The following KCTD16 variants were observed in gnomAD, a reference collection of about 807,000 sequenced individuals.
KCTD16 encodes the protein BTB/POZ domain-containing protein KCTD16.
A neutral mutation model predicts 33.2 loss-of-function variants in KCTD16; 13 were observed. That is an observed-to-expected ratio of 0.39 (90% CI 0.25 to 0.62). The LOEUF is 0.62. Among genes scored for constraint, KCTD16 ranks in the 20% least tolerant of loss-of-function variants. KCTD16 has a pLI of 0.50. For missense variants in KCTD16, 441 were observed against 525.1 expected, an observed-to-expected ratio of 0.84 and a Z score of 1.57; for synonymous variants, 197 against 195.3, an observed-to-expected ratio of 1.01 and a Z score of -0.07.
intron 3 of KCTD16, among the ~76,000 whole-genome samples, chr5:144,345,216 A>C (rs1412761991): frequency 1.8e-5 from 1 of 54,628 alleles, no homozygotes. Flanking sequence ...GGGGTGGGGG[A>C]GGGGGGAGGG....
chr5:144,257,703 G>A (rs1295078527), intron 3 of KCTD16, among the ~76,000 whole-genome samples: 1 of 152,098 alleles, frequency 6.6e-6, no homozygotes, highest in African/African-American at 2.4e-5. Context: ...AAGCCAGGAT[G>A]GTCTCGATCT....
intron 3 of KCTD16, among the ~76,000 whole-genome samples, chr5:144,398,265 CA>C (rs1167641921): frequency 6.6e-6 from 1 of 152,128 alleles, no homozygotes; most frequent in African/African-American, 2.4e-5. Flanking sequence ...GTAACATGTT[CA>C]CTACTATTTT....
At chr5:144,362,741 A>G (rs1751741839) in intron 3 of KCTD16, among the ~76,000 whole-genome samples, 1 of 152,182 alleles carries the variant, frequency 6.6e-6, no homozygotes. Context: ...TAATTGAAAG[A>G]GCATAGGCAG....
rs376938292 is a variant in KCTD16, at chr5:144,440,155, C to T, written c.833-33505C>T. Among the ~76,000 whole-genome samples, 72 of 152,202 alleles carry T rather than the reference C, an allele frequency of 4.7e-4. No individual in the cohort carries two copies. The South Asian group carries it at 8.7e-3, about 18-fold the overall frequency. ...AACACAACCCCTTTGTCCACCACACCGACTTTTATACTAAACATTTCCTTG... is the reference window on the plus strand; with the variant it reads ...AACACAACCCCTTTGTCCACCACACTGACTTTTATACTAAACATTTCCTTG... On this transcript the variant is annotated intron_variant, in intron 3 of 3. Coordinates refer to ENST00000512467, the MANE Select transcript of KCTD16 (RefSeq NM_020768.4).
chr5:144,469,197 G>T (rs1430701969), intron 3 of KCTD16, among the ~76,000 whole-genome samples: 1 of 151,916 alleles, frequency 6.6e-6, no homozygotes, highest in East Asian at 1.9e-4. Flanking sequence ...TATCCTGAAG[G>T]GCTTATCCAT....
chr5:144,413,650 G>A (rs1307507230), intron 3 of KCTD16, among the ~76,000 whole-genome samples: 4 of 152,088 alleles, frequency 2.6e-5, no homozygotes, highest in Admixed American at 6.6e-5. Context: ...AAACAAAAAC[G>A]ATTCGTTAGT....
At chr5:144,181,637 T>C (rs1030935520) in intron 2 of KCTD16, among the ~76,000 whole-genome samples, 2 of 152,204 alleles carry the variant, frequency 1.3e-5, no homozygotes, top group African/African-American at 2.4e-5. Context: ...TTGTGCAACA[T>C]GGATGAAACT....
rs377447372 is a variant in KCTD16, at chr5:144,206,852, C to T, written c.138C>T (p.Ile46=). 136 of 1,614,140 alleles carry T rather than the reference C, an allele frequency of 8.4e-5. No homozygotes were observed. The highest frequency in any genetic ancestry group is 1.0e-4 in the Non-Finnish European group (123 of 1,180,020). The part of the protein sequence containing the change: ...YFTRHSTLIS[I]PHSLLWKMFS... ...CTCGCCATTCCACATTGATAAGCAT[C>T]CCTCATTCCCTCCTGTGGAAAATGT... The change falls in exon 3 of 4, where the codon ATC becomes ATT. Residue 46 remains isoleucine, a synonymous_variant. Transcript: ENST00000512467.
At position 144,185,816 on chromosome 5, in the gene KCTD16, G is replaced by A. The variant is rs557015068; in HGVS notation, c.-327+11344G>A. ...AGTAATAAAAAGATAATAACAATAG[G>A]TAACATCAATTTAGTACTTACTATA... On this transcript the variant is annotated intron_variant, in intron 2 of 3. Coordinates refer to ENST00000512467, the MANE Select transcript of KCTD16 (RefSeq NM_020768.4). 3.3e-5 allele frequency among the ~76,000 whole-genome samples: 5 copies of A among 152,030 alleles called. No homozygotes were observed. In the East Asian group the frequency reaches 9.7e-4, roughly 29 times the overall value.
intron 3 of KCTD16, among the ~76,000 whole-genome samples, chr5:144,360,502 G>T (rs892514456): frequency 6.6e-6 from 1 of 151,702 alleles, no homozygotes; most frequent in East Asian, 1.9e-4. Context: ...GGTGATCTCA[G>T]CTCACTGCAA....
intron 3 of KCTD16, among the ~76,000 whole-genome samples, chr5:144,264,050 G>C (rs1343904412): frequency 6.6e-6 from 1 of 152,178 alleles, no homozygotes; most frequent in Non-Finnish European, 1.5e-5. Flanking sequence ...CACACTGGGG[G>C]TTAAAGCTTC....
chr5:144,336,813 A>G (rs570510363), intron 3 of KCTD16, among the ~76,000 whole-genome samples: 2 of 152,040 alleles, frequency 1.3e-5, no homozygotes, highest in African/African-American at 2.4e-5. Flanking sequence ...TGATACACAC[A>G]TCATACCCAC....
At chr5:144,316,372 G>A (rs1369745065) in intron 3 of KCTD16, among the ~76,000 whole-genome samples, 2 of 152,098 alleles carry the variant, frequency 1.3e-5, no homozygotes, top group Admixed American at 1.3e-4. Flanking sequence ...ATGTGAAGAG[G>A]CATCCATGCA....
chr5:144,181,648 G>A (rs998313856), intron 2 of KCTD16, among the ~76,000 whole-genome samples: 3 of 152,214 alleles, frequency 2.0e-5, no homozygotes, highest in Admixed American at 6.5e-5. Flanking sequence ...GGATGAAACT[G>A]GAGGACACTA....
At chr5:144,210,298 T>G (rs1753342553) in intron 3 of KCTD16, among the ~76,000 whole-genome samples, 1 of 152,132 alleles carries the variant, frequency 6.6e-6, no homozygotes, top group African/African-American at 2.4e-5. Flanking sequence ...GGTATTTGTA[T>G]GTGCTTAAGA....
intron 3 of KCTD16, among the ~76,000 whole-genome samples, chr5:144,373,742 G>T (rs1017237783): frequency 6.6e-6 from 1 of 152,146 alleles, no homozygotes; most frequent in Non-Finnish European, 1.5e-5. Context: ...GAAGTTACTG[G>T]CATAGGCATT....
chr5:144,311,374 C>T (rs1474734804), intron 3 of KCTD16, among the ~76,000 whole-genome samples: 1 of 152,184 alleles, frequency 6.6e-6, no homozygotes, highest in Non-Finnish European at 1.5e-5. Flanking sequence ...ACCTGGCATA[C>T]AGCAGCACTC....
At chr5:144,280,843 C>T (rs1019462297) in intron 3 of KCTD16, among the ~76,000 whole-genome samples, 1 of 151,186 alleles carries the variant, frequency 6.6e-6, no homozygotes, top group African/African-American at 2.4e-5. Flanking sequence ...AGGAGAATGG[C>T]GTGAACCCGG....
At chr5:144,299,996 G>C (rs1054508531) in intron 3 of KCTD16, among the ~76,000 whole-genome samples, 8 of 151,304 alleles carry the variant, frequency 5.3e-5, no homozygotes, top group Admixed American at 4.0e-4. Flanking sequence ...ATTTATAGCT[G>C]TCTATCTTAG....
Sources: allele counts gnomAD v4.1 joint callset (sites outside exome capture counted in the v4.1 genomes callset), GRCh38; gene constraint gnomAD v4.1.1; transcripts MANE v1.5; gene names NCBI Gene and HGNC (gene_info 2026-07-23, HGNC 2026-07-21).